Variants in SLC67A2 observed in about 807,000 individuals in gnomAD.
The protein encoded by SLC67A2 is solute carrier family 67 member A2.
chr2:102,731,139 T>C, the SLC67A2 span: 1 of 1,318,882 alleles, frequency 7.6e-7, no homozygotes, highest in South Asian at 1.2e-5. Flanking sequence ...GTGATAACAA[T>C]TACACAGAAA....
chr2:102,732,319 C>T, the SLC67A2 span: 2 of 1,611,448 alleles, frequency 1.2e-6, no homozygotes, highest in Non-Finnish European at 1.7e-6. Flanking sequence ...ATCGACCACT[C>T]ACCTACTATT....
At chr2:102,726,931 G>T in the SLC67A2 span, 83 of 1,613,428 alleles carry the variant, frequency 5.1e-5, no homozygotes, top group Non-Finnish European at 6.8e-5. Flanking sequence ...TAGAATGCAT[G>T]CCAGCAAGGA....
At chr2:102,729,486 G>A in the SLC67A2 span, among the ~76,000 whole-genome samples, 9 of 152,038 alleles carry the variant, frequency 5.9e-5, no homozygotes, top group Admixed American at 5.9e-4. Context: ...TACAAATAAA[G>A]AGAAAAGGTG....
chr2:102,730,929 A>C, the SLC67A2 span: 1 of 975,104 alleles, frequency 1.0e-6, no homozygotes, highest in South Asian at 1.4e-5. Flanking sequence ...TTACAATTTA[A>C]AGGTGTTCTC....
the SLC67A2 span, among the ~76,000 whole-genome samples, chr2:102,728,413 A>G: frequency 4.6e-5 from 7 of 152,170 alleles, no homozygotes; most frequent in Non-Finnish European, 7.4e-5. Flanking sequence ...CCAATTGCCA[A>G]GTGTAGCTGT....
chr2:102,732,367 G>T, the SLC67A2 span: 1 of 1,613,644 alleles, frequency 6.2e-7, no homozygotes, highest in Non-Finnish European at 8.5e-7. Flanking sequence ...GACTTGACAT[G>T]AAGGCTCAAT....
At chr2:102,726,976 T>C in the SLC67A2 span, 1 of 1,611,672 alleles carries the variant, frequency 6.2e-7, no homozygotes, top group Non-Finnish European at 8.5e-7. Flanking sequence ...CCAGCAGCCC[T>C]GAGGAAAGTA....
the SLC67A2 span, among the ~76,000 whole-genome samples, chr2:102,734,600 T>C: frequency 6.6e-6 from 1 of 152,200 alleles, no homozygotes; most frequent in Non-Finnish European, 1.5e-5. Context: ...AATCATCTGT[T>C]AGGTAGCTTT....
At chr2:102,727,368 C>T in the SLC67A2 span, among the ~76,000 whole-genome samples, 1 of 151,996 alleles carries the variant, frequency 6.6e-6, no homozygotes, top group Non-Finnish European at 1.5e-5. Context: ...ACAAAATGAC[C>T]AATACAAAAA....
the SLC67A2 span, among the ~76,000 whole-genome samples, chr2:102,724,751 C>T: frequency 2.8e-4 from 42 of 152,256 alleles, no homozygotes; most frequent in Non-Finnish European, 7.3e-5. Context: ...GGCAGTCTCA[C>T]TCTGCACATC....
chr2:102,717,691 T>C, the SLC67A2 span: 2 of 152,286 alleles, frequency 1.3e-5, no homozygotes, highest in African/African-American at 4.8e-5. Context: ...AGAGTCCAAA[T>C]TTAGTTAGCT....
At chr2:102,718,746 GCAGCAGCAGT>G in the SLC67A2 span, 1 of 1,613,850 alleles carries the variant, frequency 6.2e-7, no homozygotes, top group Non-Finnish European at 8.5e-7. Context: ...AAGGAGTAGA[GCAGCAGCAGT>G]GTGCAGGTGA....
chr2:102,721,987 T>C, the SLC67A2 span, among the ~76,000 whole-genome samples: 1 of 152,232 alleles, frequency 6.6e-6, no homozygotes, highest in African/African-American at 2.4e-5. Flanking sequence ...ATTGCAGGCA[T>C]GAGCCACTGC....
At chr2:102,718,515 G>C in the SLC67A2 span, 2 of 1,613,752 alleles carry the variant, frequency 1.2e-6, no homozygotes, top group African/African-American at 1.3e-5. Context: ...ACAGCGCCCA[G>C]GCTGGGGGGG....
the SLC67A2 span, among the ~76,000 whole-genome samples, chr2:102,734,750 T>A: frequency 6.6e-6 from 1 of 152,198 alleles, no homozygotes; most frequent in Non-Finnish European, 1.5e-5. Flanking sequence ...CTTGAATACA[T>A]TATTAAAGTT....
the SLC67A2 span, among the ~76,000 whole-genome samples, chr2:102,721,290 G>A: frequency 6.6e-6 from 1 of 152,222 alleles, no homozygotes; most frequent in South Asian, 2.1e-4. Flanking sequence ...ACATCAACGA[G>A]GCATGTGTTT....
chr2:102,716,827 T>C, the SLC67A2 span: 1 of 152,210 alleles, frequency 6.6e-6, no homozygotes, highest in South Asian at 2.1e-4. Flanking sequence ...AAGTAACTGA[T>C]TAATACTTGA....
At chr2:102,730,739 CG>C in the SLC67A2 span, among the ~76,000 whole-genome samples, 515 of 152,028 alleles carry the variant, frequency 3.4e-3, 6 homozygotes, top group African/African-American at 0.012. Flanking sequence ...TTAGTAGAGA[CG>C]GGGTTTCACC....
chr2:102,735,404 T>C, the SLC67A2 span, among the ~76,000 whole-genome samples: 2 of 152,304 alleles, frequency 1.3e-5, no homozygotes, highest in Middle Eastern at 3.4e-3. Context: ...GGTGGTGGCA[T>C]GGAGAGTGCA....
Sources: allele counts gnomAD v4.1 joint callset (sites outside exome capture counted in the v4.1 genomes callset), GRCh38; gene constraint gnomAD v4.1.1; transcripts MANE v1.5; gene names NCBI Gene and HGNC (gene_info 2026-07-23, HGNC 2026-07-21).